The following MIPOL1 variants were observed in gnomAD, a reference collection of about 807,000 sequenced individuals.
The protein encoded by MIPOL1 is mirror-image polydactyly 1, also known as mirror-image polydactyly gene 1 protein.
In MIPOL1, 57 loss-of-function variants were observed where a neutral mutation model predicts 60.9. The ratio of observed to expected loss-of-function variants is 0.94; its 90% CI spans 0.76 to 1.17. The LOEUF is 1.17. Among genes scored for constraint, MIPOL1 ranks in the 50% most tolerant of loss-of-function variants. MIPOL1 has a pLI of 0.00. For synonymous variants in MIPOL1, 179 were observed against 168.8 expected (o/e 1.06, Z -0.47); for missense variants, 551 against 511.6 (o/e 1.08, Z -0.74).
At chr14:37,415,612 G>A (rs1421956535) in intron 10 of MIPOL1, among the ~76,000 whole-genome samples, 3 of 133,808 alleles carry the variant, frequency 2.2e-5, no homozygotes, top group Non-Finnish European at 4.7e-5. Flanking sequence ...CTGGGCGACA[G>A]AGCGAGACTC....
intron 5 of MIPOL1, 131 bp downstream of exon 5, chr14:37,268,924 C>T: frequency 1.5e-6 from 1 of 678,616 alleles, no homozygotes; most frequent in Non-Finnish European, 2.3e-6. Flanking sequence ...TATGTTTTTG[C>T]CATACCTTGC....
intron 1 of MIPOL1, among the ~76,000 whole-genome samples, chr14:37,199,588 G>A (rs1203346367): frequency 2.0e-5 from 3 of 151,720 alleles, no homozygotes; most frequent in Non-Finnish European, 4.4e-5. Context: ...GCAGTGGCGC[G>A]ATCTCGGCTT....
At chr14:37,490,391 G>A (rs1049177009) in intron 11 of MIPOL1, among the ~76,000 whole-genome samples, 13 of 152,152 alleles carry the variant, frequency 8.5e-5, no homozygotes, top group East Asian at 7.7e-4. Flanking sequence ...GCTGGGCTCC[G>A]TGGGGGTGTG....
rs1447364071 is a variant in MIPOL1, at chr14:37,469,514, C to A, written c.1032-30394C>A. On this transcript the variant is annotated intron_variant, in intron 11 of 12. Coordinates refer to ENST00000684589, the MANE Select transcript of MIPOL1 (RefSeq NM_001388067.1). ...TTGACATGAGATTTGGGCAGGGACA[C>A]AGATGCAAACCATATCATGTGGTAA... is the stretch of plus-strand genomic sequence containing the variant. Among the ~76,000 whole-genome samples the A allele has an allele frequency of 2.6e-5, 4 of 152,252 alleles. No homozygotes were observed. In the East Asian group the frequency reaches 7.7e-4, roughly 29 times the overall value.
At chr14:37,419,207 A>G (rs1033219422) in intron 10 of MIPOL1, among the ~76,000 whole-genome samples, 23 of 152,192 alleles carry the variant, frequency 1.5e-4, no homozygotes, top group Non-Finnish European at 2.9e-4. Context: ...ATATGGATGA[A>G]TCTCAAAAAA....
At chr14:37,434,288 G>A (rs577608121) in intron 11 of MIPOL1, among the ~76,000 whole-genome samples, 32 of 152,308 alleles carry the variant, frequency 2.1e-4, no homozygotes, top group Middle Eastern at 6.8e-3. Context: ...GACCAATGGT[G>A]ATGAGCTTTT....
At chr14:37,207,992 T>C (rs1966365632) in intron 1 of MIPOL1, among the ~76,000 whole-genome samples, 1 of 152,202 alleles carries the variant, frequency 6.6e-6, no homozygotes, top group Admixed American at 6.5e-5. Context: ...CTTTGAAGGA[T>C]TGATTTGGTG....
chr14:37,476,957 G>A (rs1170941262), intron 11 of MIPOL1, among the ~76,000 whole-genome samples: 1 of 138,742 alleles, frequency 7.2e-6, no homozygotes, highest in Non-Finnish European at 1.5e-5. Flanking sequence ...CTGGAGTGCA[G>A]TGGCGTGATC....
intron 12 of MIPOL1, chr14:37,504,123 A>G (rs528594680): frequency 1.3e-5 from 2 of 152,316 alleles, no homozygotes; most frequent in African/African-American, 4.8e-5. Flanking sequence ...ATGGAGACCT[A>G]CAAAGAGACT....
chr14:37,343,516 T>C (rs2090728764), intron 9 of MIPOL1, among the ~76,000 whole-genome samples: 1 of 152,198 alleles, frequency 6.6e-6, no homozygotes, highest in African/African-American at 2.4e-5. Flanking sequence ...ATTATTTTTG[T>C]CTGCAAAGGA....
At chr14:37,367,502 G>A (rs964551319) in intron 9 of MIPOL1, among the ~76,000 whole-genome samples, 2 of 151,908 alleles carry the variant, frequency 1.3e-5, no homozygotes, top group African/African-American at 4.8e-5. Flanking sequence ...AAAATAATAG[G>A]TGGTCACACA....
intron 1 of MIPOL1, among the ~76,000 whole-genome samples, chr14:37,200,898 G>GTGTT (rs1566965436): frequency 2.4e-5 from 1 of 42,430 alleles, no homozygotes; most frequent in Non-Finnish European, 4.2e-5. Flanking sequence ...GTGTGTGTGT[G>GTGTT]TATTTTTTTT....
rs142167368 is a variant in MIPOL1 at position 37,281,625 on chromosome 14, G to T, written c.494-3693G>T. Among the ~76,000 whole-genome samples, 86 of 152,122 alleles carry T rather than the reference G, an allele frequency of 5.7e-4. No homozygotes were observed. In the East Asian group the frequency reaches 0.017, roughly 29 times the overall value. The stretch of plus-strand genomic sequence containing the variant: ...TTGCCATGTTGTCCAGGCTGGTCTC[G>T]AACTCTTGACCTCAGGTGATCCACC... On this transcript the variant is annotated intron_variant, in intron 6 of 12. Transcript: ENST00000684589.
intron 10 of MIPOL1, among the ~76,000 whole-genome samples, chr14:37,388,492 T>G (rs2093140049): frequency 1.3e-5 from 2 of 151,470 alleles, no homozygotes; most frequent in Admixed American, 6.6e-5. Flanking sequence ...TTGTGTTTTT[T>G]TTTTTTTTTT....
intron 12 of MIPOL1, among the ~76,000 whole-genome samples, chr14:37,521,119 T>A (rs1440669681): frequency 6.6e-6 from 1 of 151,824 alleles, no homozygotes; most frequent in Non-Finnish European, 1.5e-5. Context: ...GTATTTTTAG[T>A]AGAGACAAGG....
chr14:37,238,432 C>T (rs916484538), intron 1 of MIPOL1, among the ~76,000 whole-genome samples: 2 of 152,092 alleles, frequency 1.3e-5, no homozygotes, highest in Non-Finnish European at 2.9e-5. Flanking sequence ...ACAAACTTCC[C>T]TCAGGAGGCA....
rs1056353619 is a variant in MIPOL1, at chr14:37,369,553, G to T, written c.865G>T (p.Glu289Ter). Residue 289 changes from glutamate (E) to a stop codon, truncating the protein, a stop_gained, in exon 10 of 13, where the codon GAG becomes TAG. Coordinates refer to ENST00000684589, the MANE Select transcript of MIPOL1 (RefSeq NM_001388067.1). LOFTEE classifies it high-confidence loss of function. ...RLEQELHHVK[E>*]QNQTSANNMR... ...AGAGCAGGAGCTTCATCATGTGAAAGAGCAGAACCAGACTTCAGCAAACAA... is the reference window on the plus strand; with the variant it reads ...AGAGCAGGAGCTTCATCATGTGAAATAGCAGAACCAGACTTCAGCAAACAA... The T allele has an allele frequency of 2.5e-6, 4 of 1,613,484 alleles. No homozygotes were observed. The highest frequency in any genetic ancestry group is 3.4e-6 in the Non-Finnish European group (4 of 1,179,612).
chr14:37,505,212 A>T (rs766095102), intron 12 of MIPOL1: 7 of 152,254 alleles, frequency 4.6e-5, no homozygotes, highest in Non-Finnish European at 1.0e-4. Context: ...AAACTATTCC[A>T]GTCAATAGAA....
At chr14:37,223,303 G>A (rs975079935) in intron 1 of MIPOL1, among the ~76,000 whole-genome samples, 2 of 152,094 alleles carry the variant, frequency 1.3e-5, no homozygotes, top group African/African-American at 4.8e-5. Context: ...AAAGTACTGG[G>A]ATTACAGGCA....
Sources: allele counts gnomAD v4.1 joint callset (sites outside exome capture counted in the v4.1 genomes callset), GRCh38; gene constraint gnomAD v4.1.1; transcripts MANE v1.5; gene names NCBI Gene and HGNC (gene_info 2026-07-23, HGNC 2026-07-21).